BRINP2: variants seen among roughly 807,000 people sequenced by gnomAD.
The protein encoded by BRINP2 is BMP/retinoic acid inducible neural specific 2.
In BRINP2, 21 loss-of-function variants were observed where a neutral mutation model predicts 69.2. The ratio of observed to expected loss-of-function variants is 0.30; its 90% CI spans 0.22 to 0.44. The LOEUF is 0.44. BRINP2 is among the 20% of genes least tolerant of loss of function. The pLI, the probability that BRINP2 is intolerant of heterozygous loss-of-function variation, is 1.00. For missense variants in BRINP2, 877 were observed against 986.0 expected (o/e 0.89, Z 1.48); for synonymous variants, 380 against 394.1 (o/e 0.96, Z 0.42).
chr1:177,276,189 T>A lies in BRINP2; in HGVS notation c.776-9T>A. 6 of 1,608,294 alleles carry A rather than the reference T, an allele frequency of 3.7e-6. No individual in the cohort carries two copies. The highest frequency in any genetic ancestry group is 5.1e-6 in the Non-Finnish European group (6 of 1,175,508). ...TTCCCAGAGATTCCTTGACACATCC[T>A]TTCCCCAGGCCTTCAGGTGCTGCTG... is the stretch of plus-strand genomic sequence containing the variant. On this transcript the variant is annotated splice_polypyrimidine_tract_variant and intron_variant, in intron 5 of 7. Coordinates refer to ENST00000361539, the MANE Select transcript of BRINP2 (RefSeq NM_021165.4).
At chr1:177,232,642 C>T (rs1000104675) in intron 2 of BRINP2, among the ~76,000 whole-genome samples, 1 of 152,158 alleles carries the variant, frequency 6.6e-6, no homozygotes, top group African/African-American at 2.4e-5. Flanking sequence ...TGTCCCTTCC[C>T]ACTTTGTTTC....
chr1:177,263,037 G>A (rs897110140), intron 4 of BRINP2, among the ~76,000 whole-genome samples: 3 of 152,194 alleles, frequency 2.0e-5, no homozygotes, highest in African/African-American at 7.2e-5. Flanking sequence ...AGATAAAAGA[G>A]GGAAGAGAGT....
In BRINP2 at chr1:177,278,543, T is replaced by A. The variant is rs1651577280; in HGVS notation, c.1013-20T>A. ...CTGCATAGCTACCCGTCAGCTCAGGTCCTGTGTTCTTGTCCACAGAAGAGT... is the reference window on the plus strand; with the variant it reads ...CTGCATAGCTACCCGTCAGCTCAGGACCTGTGTTCTTGTCCACAGAAGAGT... On this transcript the variant is annotated intron_variant, in intron 6 of 7. Transcript: ENST00000361539. The A allele has an allele frequency of 6.2e-7, 1 of 1,612,654 alleles. No homozygotes were observed. Among genetic ancestry groups the A allele is most frequent in the Non-Finnish European group, 8.5e-7 (1 of 1,178,820 alleles).
At chr1:177,171,903 G>A (rs1647945013) in intron 1 of BRINP2, among the ~76,000 whole-genome samples, 171 bp downstream of exon 1, 2 of 152,300 alleles carry the variant, frequency 1.3e-5, no homozygotes, top group Admixed American at 1.3e-4. Flanking sequence ...GTGGAGTTGA[G>A]CAATGGACTT....
At chr1:177,260,496 G>T (rs1372482489) in intron 4 of BRINP2, among the ~76,000 whole-genome samples, 4 of 152,192 alleles carry the variant, frequency 2.6e-5, no homozygotes, top group African/African-American at 9.6e-5. Flanking sequence ...TTGGTAAAAT[G>T]CTATCAAATA....
rs992735839 is a variant in BRINP2, at chr1:177,203,961, G to A, written c.-76-25840G>A. Among the ~76,000 whole-genome samples the A allele has an allele frequency of 9.2e-5, 14 of 152,314 alleles. 1 individual carries two copies. Among genetic ancestry groups the A allele is most frequent in the Admixed American group, 7.8e-4 (12 of 15,290 alleles). On this transcript the variant is annotated intron_variant, in intron 1 of 7. Transcript: ENST00000361539. ...AGCCCTGATGCTGGAACTCAGAATT[G>A]TGGGCTAAGAGATAAGGGGACAGAC...
At chr1:177,271,863 C>T (rs761362960) in intron 4 of BRINP2, among the ~76,000 whole-genome samples, 2 of 152,156 alleles carry the variant, frequency 1.3e-5, no homozygotes, top group Admixed American at 6.5e-5. Context: ...ATAAAGCCTT[C>T]GTGGACTACT....
chr1:177,182,410 G>T (rs1648287153), intron 1 of BRINP2, among the ~76,000 whole-genome samples: 1 of 152,074 alleles, frequency 6.6e-6, no homozygotes, highest in African/African-American at 2.4e-5. Flanking sequence ...GTGAGACATG[G>T]TGCTTTTCCT....
intron 1 of BRINP2, among the ~76,000 whole-genome samples, chr1:177,209,765 AAG>A (rs1227752326): frequency 2.6e-5 from 4 of 152,188 alleles, no homozygotes; most frequent in African/African-American, 9.7e-5. Context: ...AACAAAAAAA[AAG>A]AAAAAAAATG....
intron 2 of BRINP2, among the ~76,000 whole-genome samples, chr1:177,239,659 T>C (rs933982133): frequency 6.6e-6 from 1 of 152,224 alleles, no homozygotes; most frequent in Non-Finnish European, 1.5e-5. Context: ...TAAATTTGAA[T>C]TTTCTTACAG....
At chr1:177,212,160 A>T (rs951696257) in intron 1 of BRINP2, among the ~76,000 whole-genome samples, 4 of 152,126 alleles carry the variant, frequency 2.6e-5, no homozygotes, top group Non-Finnish European at 5.9e-5. Flanking sequence ...ACTGAAATGT[A>T]ATCTATTTGC....
intron 1 of BRINP2, among the ~76,000 whole-genome samples, chr1:177,203,157 A>G (rs1648971444): frequency 6.6e-6 from 1 of 152,240 alleles, no homozygotes; most frequent in Non-Finnish European, 1.5e-5. Context: ...ATAAAAAATG[A>G]TGAGTTCATG....
intron 4 of BRINP2, among the ~76,000 whole-genome samples, chr1:177,272,848 A>T (rs533896085): frequency 1.3e-5 from 2 of 152,358 alleles, no homozygotes; most frequent in East Asian, 3.9e-4. Context: ...CATCAGGGAA[A>T]ACTGATGGGC....
At chr1:177,236,861 T>C (rs1391357756) in intron 2 of BRINP2, among the ~76,000 whole-genome samples, 7 of 151,890 alleles carry the variant, frequency 4.6e-5, no homozygotes, top group African/African-American at 7.3e-5. Flanking sequence ...TGCCATACTT[T>C]GTCTCTCTGA....
intron 2 of BRINP2, among the ~76,000 whole-genome samples, chr1:177,238,196 G>T (rs1650087839): frequency 6.6e-6 from 1 of 152,192 alleles, no homozygotes; most frequent in South Asian, 2.1e-4. Flanking sequence ...TTAGAAGTGG[G>T]CGAGGCCTGT....
At chr1:177,202,784 CT>C (rs1648954138) in intron 1 of BRINP2, among the ~76,000 whole-genome samples, 1 of 152,160 alleles carries the variant, frequency 6.6e-6, no homozygotes, top group Non-Finnish European at 1.5e-5. Flanking sequence ...GAGATACCAT[CT>C]CACACCAGTT....
chr1:177,277,969 G>C (rs1164278758), intron 6 of BRINP2, among the ~76,000 whole-genome samples: 1 of 152,172 alleles, frequency 6.6e-6, no homozygotes, highest in African/African-American at 2.4e-5. Flanking sequence ...CTGTAGGGCA[G>C]AATGGATATC....
intron 1 of BRINP2, among the ~76,000 whole-genome samples, chr1:177,211,592 C>T (rs1649223514): frequency 1.3e-5 from 2 of 152,198 alleles, no homozygotes; most frequent in South Asian, 4.1e-4. Flanking sequence ...TTTCCTCGTT[C>T]TGTCCAGCCC....
At chr1:177,183,535 C>T (rs1648328323) in intron 1 of BRINP2, among the ~76,000 whole-genome samples, 2 of 152,150 alleles carry the variant, frequency 1.3e-5, no homozygotes, top group Admixed American at 1.3e-4. Context: ...ATGGACTCAT[C>T]ATGGCCTCAG....
Sources: gnomAD v4.1 joint callset for allele counts (sites outside exome capture counted in the v4.1 genomes callset) on GRCh38, gnomAD v4.1.1 for gene constraint, MANE v1.5 for transcripts, NCBI Gene and HGNC (gene_info 2026-07-23, HGNC 2026-07-21) for gene names.